The following SLC44A5 variants were observed in gnomAD, a reference collection of about 807,000 sequenced individuals.
The protein encoded by SLC44A5 is solute carrier family 44 member 5, also known as choline transporter-like protein 5.
A neutral mutation model predicts 101.8 loss-of-function variants in SLC44A5; 57 were observed. The ratio of observed to expected loss-of-function variants is 0.56; its 90% confidence interval spans 0.45 to 0.70. SLC44A5 has a LOEUF of 0.70. Among genes scored for constraint, SLC44A5 ranks in the 30% least tolerant of loss-of-function variants. The pLI, the probability that SLC44A5 is intolerant of heterozygous loss-of-function variation, is 0.00. For synonymous variants in SLC44A5, 281 were observed against 290.9 expected, an observed-to-expected ratio of 0.97 and a Z score of 0.35; for missense variants, 737 against 853.1, an observed-to-expected ratio of 0.86 and a Z score of 1.70.
At chr1:75,409,174 AC>A (rs1663108688) in intron 2 of SLC44A5, among the ~76,000 whole-genome samples, 1 of 152,072 alleles carries the variant, frequency 6.6e-6, no homozygotes, top group South Asian at 2.1e-4. Context: ...GACACTGGAG[AC>A]TCTAAAAGAT....
chr1:75,225,603 A>T (rs997009454), intron 13 of SLC44A5, among the ~76,000 whole-genome samples: 1 of 152,174 alleles, frequency 6.6e-6, no homozygotes, highest in Non-Finnish European at 1.5e-5. Flanking sequence ...CTCCGAACAC[A>T]AAATAGAACT....
chr1:75,399,640 GA>G (rs1662349349), intron 2 of SLC44A5, among the ~76,000 whole-genome samples: 1 of 152,050 alleles, frequency 6.6e-6, no homozygotes, highest in East Asian at 1.9e-4. Context: ...GTAATGGAAA[GA>G]TGGAAAATCT....
intron 3 of SLC44A5, among the ~76,000 whole-genome samples, chr1:75,367,824 C>T (rs1046865621): frequency 2.0e-5 from 3 of 152,216 alleles, no homozygotes; most frequent in African/African-American, 7.2e-5. Context: ...CCAGAGCTTA[C>T]AATCACTTAC....
chr1:75,626,864 A>G, the SLC44A5 span, among the ~76,000 whole-genome samples: 1 of 152,108 alleles, frequency 6.6e-6, no homozygotes, highest in South Asian at 2.1e-4. Context: ...CTTTTATAGT[A>G]CAGCATGAGC....
At chr1:75,696,098 T>C in the SLC44A5 span, among the ~76,000 whole-genome samples, 14 of 152,308 alleles carry the variant, frequency 9.2e-5, no homozygotes, top group South Asian at 2.1e-4. Context: ...TGGCTTTAGA[T>C]AATACAAGTT....
chr1:75,229,190 T>C (rs1406376460), intron 12 of SLC44A5, among the ~76,000 whole-genome samples: 2 of 152,070 alleles, frequency 1.3e-5, no homozygotes, highest in East Asian at 3.9e-4. Context: ...ATTTGGCATA[T>C]AAATTTCTGC....
At chr1:75,539,198 T>C (rs1177502636) in intron 2 of SLC44A5, among the ~76,000 whole-genome samples, 1 of 152,228 alleles carries the variant, frequency 6.6e-6, no homozygotes. Context: ...ATCTCTACTT[T>C]AGTCAGATAA....
chr1:75,690,617 C>G, the SLC44A5 span, among the ~76,000 whole-genome samples: 1 of 152,158 alleles, frequency 6.6e-6, no homozygotes, highest in Non-Finnish European at 1.5e-5. Context: ...GTTGGCCAAG[C>G]TGGGTAAGAC....
chr1:75,609,268 G>A (rs1570737972), intron 1 of SLC44A5, among the ~76,000 whole-genome samples: 1 of 151,762 alleles, frequency 6.6e-6, no homozygotes, highest in East Asian at 1.9e-4. Context: ...AGCTGGAAAG[G>A]TTTTTATTTG....
chr1:75,293,059 T>G (rs1471411496), intron 5 of SLC44A5, among the ~76,000 whole-genome samples: 1 of 152,246 alleles, frequency 6.6e-6, no homozygotes, highest in Non-Finnish European at 1.5e-5. Context: ...GGTGCACATG[T>G]GCTTCATGTG....
intron 2 of SLC44A5, among the ~76,000 whole-genome samples, chr1:75,470,132 G>C (rs1667027026): frequency 1.3e-5 from 2 of 152,212 alleles, no homozygotes; most frequent in South Asian, 4.1e-4. Context: ...ACCCTGGAAA[G>C]ATAAGAGCTT....
chr1:75,353,987 C>T, intron 3 of SLC44A5: 1 of 357,116 alleles, frequency 2.8e-6, no homozygotes, highest in East Asian at 9.3e-5. Flanking sequence ...ATTGTATTCA[C>T]TTGAAGGCCT....
chr1:75,203,940 G>GTTTT, intron 23 of SLC44A5, 107 bp from the exon 24 acceptor site: 1 of 1,079,452 alleles, frequency 9.3e-7, no homozygotes, highest in Non-Finnish European at 1.2e-6. Context: ...TCCTTTTGTT[G>GTTTT]TTTTTTTTTT....
chr1:75,362,963 C>G (rs1423866983), intron 3 of SLC44A5, among the ~76,000 whole-genome samples: 2 of 151,864 alleles, frequency 1.3e-5, no homozygotes, highest in African/African-American at 4.8e-5. Flanking sequence ...TCTATATTTC[C>G]CTCAGTTCAT....
At chr1:75,496,700 C>T (rs1262472593) in intron 2 of SLC44A5, among the ~76,000 whole-genome samples, 1 of 150,374 alleles carries the variant, frequency 6.7e-6, no homozygotes, top group Non-Finnish European at 1.5e-5. Context: ...AGGCAACCTA[C>T]AAAATGAAAG....
intron 3 of SLC44A5, among the ~76,000 whole-genome samples, chr1:75,366,863 T>A (rs745937081): frequency 2.6e-5 from 4 of 152,234 alleles, no homozygotes; most frequent in Non-Finnish European, 4.4e-5. Context: ...CTCCTAGATT[T>A]CTGTTTGGTT....
At chr1:75,317,124 T>C (rs1655751306) in intron 4 of SLC44A5, among the ~76,000 whole-genome samples, 1 of 152,226 alleles carries the variant, frequency 6.6e-6, no homozygotes, top group Non-Finnish European at 1.5e-5. Flanking sequence ...AAGTACGATT[T>C]TAAACCAAGA....
At chr1:75,255,962 A>G (rs1459227333) in intron 6 of SLC44A5, among the ~76,000 whole-genome samples, 1 of 152,160 alleles carries the variant, frequency 6.6e-6, no homozygotes, top group African/African-American at 2.4e-5. Context: ...AGACATTTAT[A>G]GGAACTCAGC....
the SLC44A5 span, among the ~76,000 whole-genome samples, chr1:75,656,301 A>G: frequency 1.3e-5 from 2 of 152,242 alleles, no homozygotes; most frequent in African/African-American, 4.8e-5. Flanking sequence ...TACATGTAGC[A>G]AGAAATAATC....
Sources: gnomAD v4.1 joint callset for allele counts (sites outside exome capture counted in the v4.1 genomes callset) on GRCh38, gnomAD v4.1.1 for gene constraint, MANE v1.5 for transcripts, NCBI Gene and HGNC (gene_info 2026-07-23, HGNC 2026-07-21) for gene names.